CUEDC1: variants seen among roughly 807,000 people sequenced by gnomAD.
CUEDC1 encodes the protein CUE domain containing 1, also known as CUE domain-containing protein 1.
Under a neutral mutation model 43.7 loss-of-function variants are expected in CUEDC1, and 30 were observed. That is an observed-to-expected ratio of 0.69 (90% CI 0.51 to 0.93). The LOEUF (loss-of-function observed/expected upper bound fraction) is 0.93. CUEDC1 is among the 40% of genes least tolerant of loss of function. The pLI is 0.00. For missense variants in CUEDC1, 486 were observed against 549.0 expected (o/e 0.89, Z 1.15); for synonymous variants, 223 against 223.6 (o/e 1.00, Z 0.02).
At chr17:57,937,998 A>T (rs2074878557) in intron 1 of CUEDC1, among the ~76,000 whole-genome samples, 1 of 152,202 alleles carries the variant, frequency 6.6e-6, no homozygotes, top group Non-Finnish European at 1.5e-5. Flanking sequence ...GTAATAAAAA[A>T]TTTGTTATAA....
intron 1 of CUEDC1, among the ~76,000 whole-genome samples, chr17:57,910,240 T>C (rs1420950445): frequency 1.3e-5 from 2 of 152,196 alleles, no homozygotes; most frequent in African/African-American, 2.4e-5. Context: ...CTGGAGTTCA[T>C]GGAGTAAGTT....
chr17:57,939,522 C>G (rs528426017), intron 1 of CUEDC1, among the ~76,000 whole-genome samples: 1 of 150,228 alleles, frequency 6.7e-6, no homozygotes, highest in Non-Finnish European at 1.5e-5. Context: ...TCAAGTGATC[C>G]TCCCACCTTG....
At chr17:57,870,913 G>A (rs184750245) in intron 6 of CUEDC1, among the ~76,000 whole-genome samples, 1 of 152,246 alleles carries the variant, frequency 6.6e-6, no homozygotes, top group African/African-American at 2.4e-5. Context: ...GAACTCTTGG[G>A]CTGAAGCAAT....
intron 1 of CUEDC1, among the ~76,000 whole-genome samples, chr17:57,938,137 C>T (rs539895899): frequency 1.4e-4 from 22 of 152,294 alleles, no homozygotes; most frequent in African/African-American, 5.1e-4. Flanking sequence ...CCCAGAGTCA[C>T]AGGCACACAG....
intron 1 of CUEDC1, among the ~76,000 whole-genome samples, chr17:57,945,061 CG>C (rs1383039687): frequency 5.9e-5 from 9 of 152,162 alleles, no homozygotes; most frequent in African/African-American, 1.4e-4. Flanking sequence ...AAGGTCAGTA[CG>C]GATCATTTGG....
intron 1 of CUEDC1, among the ~76,000 whole-genome samples, chr17:57,894,651 G>A (rs896851787): frequency 4.6e-5 from 7 of 152,194 alleles, no homozygotes; most frequent in Non-Finnish European, 1.0e-4. Flanking sequence ...GCCTGAGCAA[G>A]AGTGAGACTC....
chr17:57,935,386 CACACACACACACACACACAA>C (rs1318575229), intron 1 of CUEDC1, among the ~76,000 whole-genome samples: 70 of 142,454 alleles, frequency 4.9e-4, no homozygotes, highest in Non-Finnish European at 8.5e-4. Flanking sequence ...TAGACACACA[CACACACACACACACACACAA>C]ACACACACAC....
intron 1 of CUEDC1, among the ~76,000 whole-genome samples, chr17:57,937,571 C>T (rs1001497073): frequency 6.6e-6 from 1 of 150,954 alleles, no homozygotes; most frequent in Non-Finnish European, 1.5e-5. Context: ...GACTGTGCCA[C>T]TGCACTCCAG....
chr17:57,918,641 A>T (rs2074668343), intron 1 of CUEDC1, among the ~76,000 whole-genome samples: 1 of 152,228 alleles, frequency 6.6e-6, no homozygotes, highest in Non-Finnish European at 1.5e-5. Context: ...AGTTTTTCCG[A>T]CACAAAGTAT....
In CUEDC1 at chr17:57,886,135, C is replaced by T. The variant is rs143038504; in HGVS notation, c.-315-256G>A. 2.6e-5 allele frequency among the ~76,000 whole-genome samples: 4 copies of T among 152,320 alleles called. No homozygotes were observed. In the East Asian group the frequency reaches 7.7e-4, roughly 29 times the overall value. ...ATCCTAAGTGCTCTATGTGGGCCAA[C>T]TCATGACAATACTGTAAGGTATGTG... On this transcript the variant is annotated intron_variant, in intron 1 of 10. Transcript: ENST00000577830.
chr17:57,937,855 T>C (rs1032104980), intron 1 of CUEDC1, among the ~76,000 whole-genome samples: 12 of 151,970 alleles, frequency 7.9e-5, no homozygotes, highest in Non-Finnish European at 1.5e-4. Flanking sequence ...TGCAGTGAGC[T>C]GTGATGGTGC....
At chr17:57,926,071 C>T (rs571233324) in intron 1 of CUEDC1, among the ~76,000 whole-genome samples, 1 of 152,314 alleles carries the variant, frequency 6.6e-6, no homozygotes, top group East Asian at 1.9e-4. Context: ...ATGGGGATAA[C>T]TAGAGAACTT....
In CUEDC1 at chr17:57,954,048, G is replaced by A. The variant is rs1373122697; in HGVS notation, c.-316+1177C>T. Among the ~76,000 whole-genome samples the A allele has an allele frequency of 6.6e-6, 1 of 152,190 alleles. No individual in the cohort carries two copies. The highest frequency in any genetic ancestry group is 2.4e-5 in the African/African-American group (1 of 41,422). On this transcript the variant is annotated intron_variant, in intron 1 of 10. Transcript: ENST00000577830. The surrounding 1 kb of genome is among the most constrained non-coding windows in gnomAD (Gnocchi z 4.3). The stretch of plus-strand genomic sequence containing the variant: ...GATCCAGCAGGGGCCCAACCACATG[G>A]TGAGATGACTTCCTCCGTGAGAGAA...
At chr17:57,872,571 C>T in intron 5 of CUEDC1, 92 bp downstream of exon 5, 1 of 1,417,600 alleles carries the variant, frequency 7.1e-7, no homozygotes, top group East Asian at 2.4e-5. Flanking sequence ...GCCCCCTCAG[C>T]CCCCAGCTCA....
chr17:57,873,924 C>T (rs2074073453), intron 3 of CUEDC1, among the ~76,000 whole-genome samples: 1 of 152,236 alleles, frequency 6.6e-6, no homozygotes, highest in Admixed American at 6.5e-5. Context: ...CATTCATGCT[C>T]TCCAGTCACT....
In CUEDC1 at chr17:57,888,997, G is replaced by A. The variant is rs550383248; in HGVS notation, c.-315-3118C>T. Among the ~76,000 whole-genome samples the A allele has an allele frequency of 1.6e-4, 24 of 152,170 alleles. No individual in the cohort carries two copies. The South Asian group carries it at 5.0e-3, about 32-fold the overall frequency. On this transcript the variant is annotated intron_variant, in intron 1 of 10. Transcript: ENST00000577830. ...TAGCAGCCCTCTGGACAGCTCCCTCGGGTTCTGGGCCTCTCTGAGTGTTGA... is the reference window on the plus strand; with the variant it reads ...TAGCAGCCCTCTGGACAGCTCCCTCAGGTTCTGGGCCTCTCTGAGTGTTGA...
rs371040071 is a variant in CUEDC1, at chr17:57,924,839, T to A, written c.-316+30386A>T. Among the ~76,000 whole-genome samples, 25 of 152,296 alleles carry A rather than the reference T, an allele frequency of 1.6e-4. 3 individuals carry two copies. Among genetic ancestry groups the A allele is most frequent in the African/African-American group, 5.8e-4 (24 of 41,548 alleles). The stretch of plus-strand genomic sequence containing the variant: ...CCTTGGCAGAGGCCCCAACTCTGGA[T>A]TAATATTACACCAAGAGAACCCAAA... On this transcript the variant is annotated intron_variant, in intron 1 of 10. Coordinates refer to ENST00000577830, the MANE Select transcript of CUEDC1 (RefSeq NM_001271875.2).
intron 1 of CUEDC1, among the ~76,000 whole-genome samples, chr17:57,902,138 C>G (rs1323619202): frequency 6.6e-6 from 1 of 151,790 alleles, no homozygotes; most frequent in Non-Finnish European, 1.5e-5. Context: ...TTGCAGGGAG[C>G]CAAGATCACG....
chr17:57,885,145 T>C, intron 2 of CUEDC1, 84 bp downstream of exon 2: 3 of 1,470,412 alleles, frequency 2.0e-6, no homozygotes, highest in South Asian at 3.0e-5. Context: ...CCAGTGGTGG[T>C]TGGAATTACC....
Sources: gnomAD v4.1 joint callset for allele counts (sites outside exome capture counted in the v4.1 genomes callset) on GRCh38, gnomAD v4.1.1 for gene constraint, Gnocchi (gnomAD v3.1) non-coding constraint, MANE v1.5 for transcripts, NCBI Gene and HGNC (gene_info 2026-07-23, HGNC 2026-07-21) for gene names.